Variants in USH2A observed in about 807,000 individuals in gnomAD.
USH2A encodes usherin, also known as Usher syndrome 2A (autosomal recessive, mild).
A neutral mutation model predicts 538.9 loss-of-function variants in USH2A; 443 were observed. The ratio of observed to expected loss-of-function variants is 0.82; its 90% CI spans 0.76 to 0.89. The LOEUF (loss-of-function observed/expected upper bound fraction) is 0.89, where lower values mean the gene tolerates loss of function less well. Among genes scored for constraint, USH2A ranks in the 40% least tolerant of loss-of-function variants. USH2A has a pLI of 0.00. For missense variants in USH2A, 6,633 were observed against 6,324.8 expected (o/e 1.05, Z -1.65); for synonymous variants, 2,413 against 2,273.5 (o/e 1.06, Z -1.75).
Position 215,867,036 on chromosome 1 carries a change from G to A in USH2A, c.8816C>T (p.Thr2939Ile), listed in dbSNP as rs757734337. ...TTTAGCCCACCTCACGTCGATGGCT[G>A]TGTGGTTAAGGACACTCGCAGTGAG... ...ANLTASVLNH[T>I]AIDVRWAKPT... Residue 2939 changes from threonine to isoleucine, a missense_variant, in exon 44 of 72, where the codon ACA becomes ATA. By Grantham distance (89) the Thr-to-Ile change is moderately conservative. Transcript: ENST00000307340. 1.2e-6 allele frequency: 2 copies of A among 1,614,152 alleles called. No individual in the cohort carries two copies. Among genetic ancestry groups the A allele is most frequent in the South Asian group, 2.2e-5 (2 of 91,084 alleles).
chr1:215,813,306 A>G (rs1368447133), intron 49 of USH2A, among the ~76,000 whole-genome samples: 1 of 152,184 alleles, frequency 6.6e-6, no homozygotes, highest in Admixed American at 6.6e-5. Context: ...GAATTCTCAG[A>G]CAAATGAAAT....
intron 13 of USH2A, among the ~76,000 whole-genome samples, chr1:216,234,582 A>C (rs2035769306): frequency 6.6e-6 from 1 of 152,074 alleles, no homozygotes; most frequent in Non-Finnish European, 1.5e-5. Context: ...CTTCCTGTGA[A>C]GGTATCTAGG....
intron 30 of USH2A, among the ~76,000 whole-genome samples, chr1:216,057,520 C>CAA (rs140693748): frequency 6.6e-6 from 1 of 151,190 alleles, no homozygotes; most frequent in Non-Finnish European, 1.5e-5. Context: ...AAAACAAAAA[C>CAA]AAAAAAAACA....
At chr1:216,334,462 T>G (rs1411139020) in intron 4 of USH2A, among the ~76,000 whole-genome samples, 2 of 151,988 alleles carry the variant, frequency 1.3e-5, no homozygotes, top group African/African-American at 4.8e-5. Context: ...AAAGTGACAT[T>G]GTAACTACCT....
At chr1:216,009,963 G>C (rs192464876) in intron 32 of USH2A, among the ~76,000 whole-genome samples, 1 of 152,172 alleles carries the variant, frequency 6.6e-6, no homozygotes, top group South Asian at 2.1e-4. Context: ...ATGGTCGCTC[G>C]GCATCAACCC....
At chr1:215,952,474 T>G (rs1474501766) in intron 37 of USH2A, among the ~76,000 whole-genome samples, 1 of 152,204 alleles carries the variant, frequency 6.6e-6, no homozygotes, top group Non-Finnish European at 1.5e-5. Flanking sequence ...CTTCCTAGCC[T>G]CGATGGTCTT....
chr1:215,945,022 C>T (rs993770154), intron 37 of USH2A, among the ~76,000 whole-genome samples: 6 of 152,068 alleles, frequency 3.9e-5, no homozygotes, highest in African/African-American at 7.2e-5. Flanking sequence ...TAATGAATTA[C>T]GGAAAGGTTT....
chr1:215,827,462 G>C (rs1164871708), intron 47 of USH2A, among the ~76,000 whole-genome samples: 1 of 152,118 alleles, frequency 6.6e-6, no homozygotes, highest in Non-Finnish European at 1.5e-5. Context: ...AGTGATAGCA[G>C]AGCCATAATA....
chr1:216,128,553 T>G (rs1435859433), intron 21 of USH2A, among the ~76,000 whole-genome samples: 1 of 152,116 alleles, frequency 6.6e-6, no homozygotes, highest in Non-Finnish European at 1.5e-5. Context: ...CTCGAAGACT[T>G]CCAAACTGTA....
At chr1:216,155,510 G>C (rs919420875) in intron 21 of USH2A, among the ~76,000 whole-genome samples, 1 of 151,996 alleles carries the variant, frequency 6.6e-6, no homozygotes, top group Non-Finnish European at 1.5e-5. Context: ...CCCAGAGACA[G>C]ACTTAATACA....
At chr1:215,639,041 T>C in intron 69 of USH2A, 114 bp downstream of exon 69, 1 of 1,045,078 alleles carries the variant, frequency 9.6e-7, no homozygotes, top group South Asian at 1.4e-5. Flanking sequence ...GCACAATTTC[T>C]TCTGTATAGT....
rs868254740 is a variant in USH2A, at chr1:215,863,230, A to G, written c.8845+3777T>C. ...ACTAATGACTTTAAGAAAACCATGT[A>G]GAGTACAAGTGAAGAGAGACAGATT... is the stretch of plus-strand genomic sequence containing the variant. On this transcript the variant is annotated intron_variant, in intron 44 of 71. Coordinates refer to ENST00000307340, the MANE Select transcript of USH2A (RefSeq NM_206933.4). Among the ~76,000 whole-genome samples the G allele has an allele frequency of 1.4e-4, 21 of 152,302 alleles. No homozygotes were observed. In the Middle Eastern group the frequency reaches 0.017, roughly 123 times the overall value.
intron 56 of USH2A, among the ~76,000 whole-genome samples, chr1:215,761,168 T>C (rs1660970489): frequency 1.3e-5 from 2 of 152,184 alleles, no homozygotes; most frequent in African/African-American, 4.8e-5. Context: ...AACACCTTTG[T>C]TCCCTTACAG....
chr1:215,937,276 A>G (rs1666526769), intron 37 of USH2A, among the ~76,000 whole-genome samples: 1 of 152,136 alleles, frequency 6.6e-6, no homozygotes, highest in African/African-American at 2.4e-5. Context: ...ACTCCTCTAT[A>G]TGTGTAATAC....
intron 20 of USH2A, among the ~76,000 whole-genome samples, chr1:216,189,602 T>C (rs79881595): frequency 0.012 from 1,815 of 152,122 alleles, 30 homozygotes; most frequent in African/African-American, 0.041. Flanking sequence ...CTACTCAGAT[T>C]ATACTTAATA....
chr1:216,017,191 C>T (rs1467171171), intron 32 of USH2A, among the ~76,000 whole-genome samples: 3 of 152,038 alleles, frequency 2.0e-5, no homozygotes, highest in African/African-American at 7.3e-5. Flanking sequence ...TCAGTCTCCT[C>T]TCGTGTTCTC....
chr1:215,817,122 T>C lies in USH2A; in HGVS notation c.9445A>G (p.Thr3149Ala). ...TGAGTTTTAGCGCATGGATACCATG[T>C]TTTCCATAGGAGATCATATCCAAGA... ...IILGYDLLWK[T>A]WYPCAKTQKL... Residue 3149 changes from threonine (T) to alanine (A), a missense_variant, in exon 48 of 72, where the codon ACA becomes GCA. Transcript: ENST00000307340. 3.1e-6 allele frequency: 5 copies of C among 1,612,858 alleles called. No individual in the cohort carries two copies. In the Middle Eastern group the frequency reaches 6.6e-4, roughly 213 times the overall value.
At chr1:215,665,351 G>A (rs190009977) in intron 64 of USH2A, among the ~76,000 whole-genome samples, 122 of 152,310 alleles carry the variant, frequency 8.0e-4, no homozygotes, top group African/African-American at 2.9e-3. Context: ...ACCCAGTCAT[G>A]AGGCACCAGA....
intron 32 of USH2A, among the ~76,000 whole-genome samples, chr1:216,040,895 C>T (rs545405372): frequency 1.3e-5 from 2 of 151,774 alleles, no homozygotes; most frequent in East Asian, 3.9e-4. Flanking sequence ...TAAATGGCAC[C>T]ACCAGAATAC....
Sources: allele counts gnomAD v4.1 joint callset (sites outside exome capture counted in the v4.1 genomes callset), GRCh38; gene constraint gnomAD v4.1.1; transcripts MANE v1.5; gene names NCBI Gene and HGNC (gene_info 2026-07-23, HGNC 2026-07-21).